The following UNC80 variants were observed in gnomAD, a reference collection of about 807,000 sequenced individuals.
UNC80 encodes protein unc-80 homolog.
A neutral mutation model predicts 384.6 loss-of-function variants in UNC80; 164 were observed. That is an observed-to-expected ratio of 0.43 (90% CI 0.38 to 0.49). The LOEUF is 0.49. UNC80 is among the 20% of genes least tolerant of loss of function. UNC80 has a pLI of 0.00. For synonymous variants in UNC80, 1,486 were observed against 1,527.8 expected, an observed-to-expected ratio of 0.97 and a Z score of 0.64; for missense variants, 3,330 against 4,143.0, an observed-to-expected ratio of 0.80 and a Z score of 5.39.
At chr2:209,944,345 A>C (rs1335058934) in intron 45 of UNC80, among the ~76,000 whole-genome samples, 2 of 152,138 alleles carry the variant, frequency 1.3e-5, no homozygotes, top group Non-Finnish European at 2.9e-5. Flanking sequence ...CCACCATATC[A>C]CATGTTATAT....
chr2:209,945,755 A>G (rs1271141687), intron 46 of UNC80, 92 bp from the exon 47 acceptor site: 7 of 800,290 alleles, frequency 8.7e-6, no homozygotes, highest in Non-Finnish European at 1.5e-5. Flanking sequence ...GCTACAGTAT[A>G]TACTGGAATG....
At chr2:209,802,077 A>T (rs1475185225) in intron 7 of UNC80, among the ~76,000 whole-genome samples, 1 of 152,116 alleles carries the variant, frequency 6.6e-6, no homozygotes, top group Non-Finnish European at 1.5e-5. Flanking sequence ...AAAATTATAT[A>T]ATATACATGG....
chr2:209,919,490 G>A (rs1007633165), intron 33 of UNC80, among the ~76,000 whole-genome samples: 6 of 152,202 alleles, frequency 3.9e-5, no homozygotes, highest in East Asian at 3.9e-4. Flanking sequence ...GAATTGAAAA[G>A]TATCTTATTA....
intron 29 of UNC80, among the ~76,000 whole-genome samples, 197 bp from the exon 30 acceptor site, chr2:209,912,363 C>A (rs1161773434): frequency 6.6e-6 from 1 of 152,142 alleles, no homozygotes; most frequent in East Asian, 1.9e-4. Flanking sequence ...TATCTCTAAG[C>A]TAATTTTTTA....
chr2:209,810,779 A>G (rs2079287155), intron 7 of UNC80, among the ~76,000 whole-genome samples: 1 of 152,178 alleles, frequency 6.6e-6, no homozygotes, highest in Admixed American at 6.5e-5. Context: ...ACTAATAATA[A>G]CTGTCTTAAC....
chr2:209,837,648 C>A (rs980157942), intron 18 of UNC80, among the ~76,000 whole-genome samples: 1 of 152,142 alleles, frequency 6.6e-6, no homozygotes, highest in Non-Finnish European at 1.5e-5. Flanking sequence ...ACAGAGTATA[C>A]CACCATATGG....
chr2:209,881,260 C>T (rs890802290), intron 25 of UNC80, among the ~76,000 whole-genome samples, 166 bp downstream of exon 25: 3 of 152,126 alleles, frequency 2.0e-5, no homozygotes, highest in African/African-American at 7.2e-5. Flanking sequence ...TGCTCTTTTC[C>T]TCATTACAAA....
intron 61 of UNC80, among the ~76,000 whole-genome samples, chr2:209,985,738 T>A (rs1049097295): frequency 1.3e-5 from 2 of 152,206 alleles, no homozygotes; most frequent in Non-Finnish European, 2.9e-5. Flanking sequence ...CCTTAGAGTA[T>A]CTTTGTGCCA....
At chr2:209,962,222 T>C (rs149314813) in intron 51 of UNC80, among the ~76,000 whole-genome samples, 1 of 152,328 alleles carries the variant, frequency 6.6e-6, no homozygotes, top group Non-Finnish European at 1.5e-5. Context: ...TTAAGTTTTA[T>C]GGCTGGCTTC....
Position 209,817,120 on chromosome 2 carries a change from T to A in UNC80, c.1547T>A (p.Ile516Asn). Reference sequence around the variant, plus strand: ...GAGAAAGGAGGCTGGCAAACCACCATTTTAGGTGACCACAAGGCCTTCCAA... The same window carrying A: ...GAGAAAGGAGGCTGGCAAACCACCAATTTAGGTGACCACAAGGCCTTCCAA... ...GIEKGGWQTT[I>N]LGKLTRRGSS... The change falls in exon 10 of 65, where the codon ATT (isoleucine) becomes AAT (asparagine). Residue 516 changes from isoleucine to asparagine, a missense_variant. By Grantham distance (149) the Ile-to-Asn change is moderately radical. Transcript: ENST00000673920. 6.4e-7 allele frequency: 1 copy of A among 1,551,410 alleles called. No homozygotes were observed. Among genetic ancestry groups the A allele is most frequent in the Non-Finnish European group, 8.7e-7 (1 of 1,146,976 alleles).
At chr2:209,987,681 T>A (rs189185585) in intron 61 of UNC80, among the ~76,000 whole-genome samples, 3,950 of 152,030 alleles carry the variant, frequency 0.026, 139 homozygotes, top group African/African-American at 0.077. Context: ...AATTTTTTTT[T>A]AAAAAAAGAT....
intron 21 of UNC80, among the ~76,000 whole-genome samples, chr2:209,843,983 CCTAT>C (rs1460058691): frequency 3.3e-5 from 5 of 152,008 alleles, no homozygotes; most frequent in Admixed American, 6.5e-5. Flanking sequence ...TGAAAATGTT[CCTAT>C]CTATTTAATT....
chr2:209,844,008 G>C (rs187575774), intron 21 of UNC80, among the ~76,000 whole-genome samples: 38 of 152,096 alleles, frequency 2.5e-4, no homozygotes, highest in African/African-American at 9.2e-4. Flanking sequence ...ATCTCTTAAA[G>C]AATTTGGCGA....
At chr2:209,986,202 G>A (rs2093284394) in intron 61 of UNC80, among the ~76,000 whole-genome samples, 1 of 152,186 alleles carries the variant, frequency 6.6e-6, no homozygotes, top group Non-Finnish European at 1.5e-5. Flanking sequence ...AAGAAAGCAG[G>A]TATTTAATGT....
At chr2:209,960,513 C>T (rs1200444001) in intron 51 of UNC80, among the ~76,000 whole-genome samples, 4 of 152,186 alleles carry the variant, frequency 2.6e-5, no homozygotes, top group African/African-American at 9.7e-5. Context: ...AAAAGATTCA[C>T]TTGGAAATTT....
chr2:209,809,382 C>G, intron 7 of UNC80: 1 of 1,073,256 alleles, frequency 9.3e-7, no homozygotes, highest in Non-Finnish European at 1.5e-6. Context: ...GGGGCCATGT[C>G]CGGACCCACA....
chr2:209,973,376 T>C lies in UNC80; in HGVS notation c.8587+106T>C, dbSNP rs2092931988. ...TAAATAAATAAATAGATGTACTTAGTTAAGTTCCAACTTAACTCAGAAAGA... is the reference window on the plus strand; with the variant it reads ...TAAATAAATAAATAGATGTACTTAGCTAAGTTCCAACTTAACTCAGAAAGA... On this transcript the variant is annotated intron_variant, in intron 56 of 64. Coordinates refer to ENST00000673920, the MANE Select transcript of UNC80 (RefSeq NM_001371986.1). 10 of 1,113,008 alleles carry C rather than the reference T, an allele frequency of 9.0e-6. 1 individual carries two copies. In the East Asian group the frequency reaches 2.6e-4, roughly 29 times the overall value. The allele number at this position is 1,113,008 out of a possible 1,614,324, so 68.9% of individuals were successfully genotyped here. A position where few individuals can be genotyped will look rare whatever the true frequency, so the allele number is the denominator to read the frequency against.
chr2:209,938,042 A>C (rs141982773), intron 42 of UNC80, among the ~76,000 whole-genome samples: 2,152 of 152,292 alleles, frequency 0.014, 16 homozygotes, highest in Non-Finnish European at 0.024. Flanking sequence ...GCTTGAAAAA[A>C]AAAGCATTAA....
intron 13 of UNC80, among the ~76,000 whole-genome samples, chr2:209,825,595 C>T (rs1687543643): frequency 6.6e-6 from 1 of 152,168 alleles, no homozygotes; most frequent in African/African-American, 2.4e-5. Context: ...ATAGTCTGCA[C>T]TGTCTCTCTT....
Sources: gnomAD v4.1 joint callset for allele counts (sites outside exome capture counted in the v4.1 genomes callset) on GRCh38, gnomAD v4.1.1 for gene constraint, MANE v1.5 for transcripts, NCBI Gene and HGNC (gene_info 2026-07-23, HGNC 2026-07-21) for gene names.